ADCY2: variants seen among roughly 807,000 people sequenced by gnomAD.
ADCY2 encodes the protein adenylate cyclase type 2.
Under a neutral mutation model 125.2 loss-of-function variants are expected in ADCY2, and 31 were observed. The ratio of observed to expected loss-of-function variants is 0.25; its 90% CI spans 0.19 to 0.33. The LOEUF (loss-of-function observed/expected upper bound fraction) is 0.33. ADCY2 is among the 10% of genes least tolerant of loss of function. The pLI, the probability that ADCY2 is intolerant of heterozygous loss-of-function variation, is 1.00. For synonymous variants in ADCY2, 512 were observed against 548.4 expected (o/e 0.93, Z 0.93); for missense variants, 904 against 1,418.2 (o/e 0.64, Z 5.82).
intron 16 of ADCY2, among the ~76,000 whole-genome samples, chr5:7,763,206 TC>T (rs1322955997): frequency 2.0e-5 from 3 of 152,000 alleles, no homozygotes; most frequent in African/African-American, 7.2e-5. Context: ...CCATTCTGCC[TC>T]TGCGTCCCGC....
At chr5:7,812,900 A>G (rs985490497) in intron 22 of ADCY2, among the ~76,000 whole-genome samples, 1 of 151,802 alleles carries the variant, frequency 6.6e-6, no homozygotes, top group Non-Finnish European at 1.5e-5. Flanking sequence ...ACAGAGCAAG[A>G]CTCCATCTCA....
chr5:7,719,798 C>G (rs763532035), intron 12 of ADCY2, among the ~76,000 whole-genome samples: 1 of 152,162 alleles, frequency 6.6e-6, no homozygotes, highest in Non-Finnish European at 1.5e-5. Context: ...TACAGCCACA[C>G]TGGGAGTTAG....
intron 15 of ADCY2, among the ~76,000 whole-genome samples, chr5:7,750,149 A>T (rs1468952000): frequency 6.6e-6 from 1 of 151,962 alleles, no homozygotes; most frequent in East Asian, 1.9e-4. Flanking sequence ...ATCTTTTAAA[A>T]CCCAATTTGT....
At chr5:7,808,259 C>T (rs1296280541) in intron 22 of ADCY2, among the ~76,000 whole-genome samples, 1 of 152,202 alleles carries the variant, frequency 6.6e-6, no homozygotes, top group Non-Finnish European at 1.5e-5. Flanking sequence ...TTCTTAGCCA[C>T]CATCCAGACT....
intron 2 of ADCY2, among the ~76,000 whole-genome samples, chr5:7,421,775 C>A (rs1259499480): frequency 6.6e-6 from 1 of 152,194 alleles, no homozygotes; most frequent in African/African-American, 2.4e-5. Context: ...ACCTTCAAAT[C>A]CACCTTGAAA....
At chr5:7,756,711 A>G (rs1170613241) in intron 15 of ADCY2, among the ~76,000 whole-genome samples, 1 of 152,156 alleles carries the variant, frequency 6.6e-6, no homozygotes. Flanking sequence ...TTCCATGGGT[A>G]TAGAGTTTCA....
At chr5:7,569,111 G>A (rs976272810) in intron 3 of ADCY2, among the ~76,000 whole-genome samples, 4 of 152,294 alleles carry the variant, frequency 2.6e-5, no homozygotes, top group Middle Eastern at 3.4e-3. Flanking sequence ...CTCATGGAGG[G>A]ATAGAGATGG....
At chr5:7,573,316 C>T (rs542793750) in intron 3 of ADCY2, among the ~76,000 whole-genome samples, 1 of 152,138 alleles carries the variant, frequency 6.6e-6, no homozygotes, top group South Asian at 2.1e-4. Context: ...AGTGATATAA[C>T]AAAGCACATG....
At chr5:7,537,144 C>G (rs1254947194) in intron 3 of ADCY2, among the ~76,000 whole-genome samples, 1 of 152,152 alleles carries the variant, frequency 6.6e-6, no homozygotes, top group African/African-American at 2.4e-5. Flanking sequence ...TTTGAACTTA[C>G]ATTTTGGACC....
At chr5:7,705,666 G>C (rs1245319095) in intron 7 of ADCY2, among the ~76,000 whole-genome samples, 1 of 152,218 alleles carries the variant, frequency 6.6e-6, no homozygotes, top group Non-Finnish European at 1.5e-5. Flanking sequence ...GTTTTGTGGG[G>C]CAGGAAGGAA....
At chr5:7,543,841 G>A (rs958905128) in intron 3 of ADCY2, among the ~76,000 whole-genome samples, 3 of 151,514 alleles carry the variant, frequency 2.0e-5, no homozygotes, top group Non-Finnish European at 2.9e-5. Flanking sequence ...GTGAAACCCC[G>A]TCTCTACTAA....
At chr5:7,683,434 G>A (rs1740404971) in intron 4 of ADCY2, among the ~76,000 whole-genome samples, 1 of 152,218 alleles carries the variant, frequency 6.6e-6, no homozygotes, top group Admixed American at 6.5e-5. Context: ...CAAAGTGGCT[G>A]AACAATAGTG....
intron 4 of ADCY2, among the ~76,000 whole-genome samples, chr5:7,662,260 C>T (rs1359016001): frequency 6.6e-6 from 1 of 152,178 alleles, no homozygotes; most frequent in Non-Finnish European, 1.5e-5. Flanking sequence ...CAGCATTTCC[C>T]AAACAAGCAA....
intron 3 of ADCY2, among the ~76,000 whole-genome samples, chr5:7,534,633 G>A (rs891548646): frequency 2.6e-5 from 4 of 152,296 alleles, no homozygotes; most frequent in Admixed American, 6.5e-5. Context: ...GAGTCTCAGC[G>A]TTGTTTTAAG....
At chr5:7,686,305 G>A (rs1740518465) in intron 4 of ADCY2, among the ~76,000 whole-genome samples, 1 of 152,200 alleles carries the variant, frequency 6.6e-6, no homozygotes, top group Non-Finnish European at 1.5e-5. Flanking sequence ...TCAGAGCTCA[G>A]ATTGTTCTGA....
At chr5:7,589,458 A>AAAAGAAAGAAAGAAAG (rs369587426) in intron 3 of ADCY2, among the ~76,000 whole-genome samples, 1,781 of 72,906 alleles carry the variant, frequency 0.024, 61 homozygotes, top group African/African-American at 0.04. Context: ...GAAGGAAAGA[A>AAAAGAAAGAAAGAAAG]AAAGAAAGAA....
chr5:7,522,036 A>G (rs1299256383), intron 3 of ADCY2, among the ~76,000 whole-genome samples: 2 of 152,192 alleles, frequency 1.3e-5, no homozygotes, highest in African/African-American at 4.8e-5. Context: ...TCCTCTCTGC[A>G]TTGCCTTTGA....
chr5:7,585,803 A>G (rs1443385562), intron 3 of ADCY2, among the ~76,000 whole-genome samples: 1 of 152,186 alleles, frequency 6.6e-6, no homozygotes, highest in Non-Finnish European at 1.5e-5. Flanking sequence ...TGCACACCAG[A>G]ACTGCTAAGA....
chr5:7,649,993 A>C (rs774051511), intron 4 of ADCY2, among the ~76,000 whole-genome samples: 4 of 151,868 alleles, frequency 2.6e-5, no homozygotes, highest in Non-Finnish European at 4.4e-5. Flanking sequence ...CAAAGACACT[A>C]TTCCTTCCCC....
Sources: gnomAD v4.1 joint callset for allele counts (sites outside exome capture counted in the v4.1 genomes callset) on GRCh38, gnomAD v4.1.1 for gene constraint, MANE v1.5 for transcripts, NCBI Gene and HGNC (gene_info 2026-07-23, HGNC 2026-07-21) for gene names.